OGDH: variants seen among roughly 807,000 people sequenced by gnomAD.
The protein encoded by OGDH is 2-oxoglutarate dehydrogenase complex component E1.
OGDH carries 38 observed loss-of-function variants against 116.6 expected under a neutral mutation model. The ratio of observed to expected loss-of-function variants is 0.33; its 90% CI spans 0.25 to 0.43. OGDH has a LOEUF of 0.43. Ranked by LOEUF, OGDH falls within the 20% of genes least tolerant of loss-of-function variation. The pLI, the probability that OGDH is intolerant of heterozygous loss-of-function variation, is 1.00. For missense variants in OGDH, 825 were observed against 1,357.2 expected (o/e 0.61, Z 6.16); for synonymous variants, 488 against 533.3 (o/e 0.92, Z 1.17).
intron 13 of OGDH, 72 bp from the exon 14 acceptor site, chr7:44,696,357 A>ATTT (rs1788580177): frequency 1.8e-5 from 28 of 1,551,718 alleles, no homozygotes; most frequent in Non-Finnish European, 2.5e-5. Flanking sequence ...CCCCAAAATC[A>ATTT]CGTGTCTGCC....
At position 44,707,776 on chromosome 7, in the gene OGDH, C is replaced by T. The variant is rs200351092; in HGVS notation, c.2951+40C>T. On this transcript the variant is annotated intron_variant, in intron 22 of 22. Coordinates refer to ENST00000222673, the MANE Select transcript of OGDH (RefSeq NM_002541.4). The surrounding 1 kb of genome is among the most constrained non-coding windows in gnomAD (Gnocchi z 5.2). The stretch of plus-strand genomic sequence containing the variant: ...CCTGCCAGGAAGGCTGTGGGACCCT[C>T]CCCTCAGGCCAGTAGGCAGTTAGCC... 6.2e-6 allele frequency: 10 copies of T among 1,613,246 alleles called. No individual in the cohort carries two copies. The African/African-American group carries it at 1.3e-4, about 21-fold the overall frequency.
At chr7:44,637,450 A>G (rs1307529671) in intron 2 of OGDH, among the ~76,000 whole-genome samples, 2 of 152,236 alleles carry the variant, frequency 1.3e-5, no homozygotes, top group South Asian at 4.1e-4. Flanking sequence ...CAAACCTTAC[A>G]GTATGCCACA....
intron 10 of OGDH, among the ~76,000 whole-genome samples, chr7:44,691,480 C>A (rs866963794): frequency 4.8e-5 from 7 of 145,682 alleles, no homozygotes; most frequent in African/African-American, 1.8e-4. Context: ...TGCAGTGAGC[C>A]GTGATCACAC....
Position 44,700,151 on chromosome 7 carries a change from A to T in OGDH, c.2441A>T (p.Glu814Val). Residue 814 changes from glutamate (E) to valine (V), a missense_variant, in exon 19 of 23, where the codon GAA becomes GTA. By Grantham distance (121) the Glu-to-Val change is moderately radical. Transcript: ENST00000222673. ...DDPDVLPDLK[E>V]ANFDINQLYD... ...CCTTCCCTGCTGCAGGACCTTAAAGAAGCCAACTTCGACATCAATCAGCTA... is the reference window on the plus strand; with the variant it reads ...CCTTCCCTGCTGCAGGACCTTAAAGTAGCCAACTTCGACATCAATCAGCTA... 1 of 1,614,152 alleles carries T rather than the reference A, an allele frequency of 6.2e-7. No homozygotes were observed.
chr7:44,668,942 C>T (rs1787304155), intron 5 of OGDH, among the ~76,000 whole-genome samples: 1 of 152,056 alleles, frequency 6.6e-6, no homozygotes, highest in Non-Finnish European at 1.5e-5. Flanking sequence ...TCTTGTGTTG[C>T]CTGGACCCCC....
At position 44,694,692 on chromosome 7, in the gene OGDH, T is replaced by C; in HGVS notation, c.1668+116T>C. Reference sequence around the variant, plus strand: ...AGTTATGAGGATACACGTGAGAGGATGTGAAATATTTACAACTACAGCATT... The same window carrying C: ...AGTTATGAGGATACACGTGAGAGGACGTGAAATATTTACAACTACAGCATT... On this transcript the variant is annotated intron_variant, in intron 12 of 22. Coordinates refer to ENST00000222673, the MANE Select transcript of OGDH (RefSeq NM_002541.4). The surrounding 1 kb of genome is among the most constrained non-coding windows in gnomAD (Gnocchi z 4.2). 3.4e-6 allele frequency: 4 copies of C among 1,166,252 alleles called. No homozygotes were observed. Among genetic ancestry groups the C allele is most frequent in the Non-Finnish European group, 4.9e-6 (4 of 821,438 alleles). The allele number at this position is 1,166,252 out of a possible 1,614,324, so 72.2% of individuals were successfully genotyped here.
chr7:44,661,634 C>T (rs2115988893), intron 4 of OGDH, among the ~76,000 whole-genome samples: 1 of 151,934 alleles, frequency 6.6e-6, no homozygotes, highest in Admixed American at 6.6e-5. Flanking sequence ...GAGTTTCGCT[C>T]TTTCACCCAG....
chr7:44,670,824 C>T (rs868425620), intron 5 of OGDH, among the ~76,000 whole-genome samples: 3 of 151,918 alleles, frequency 2.0e-5, no homozygotes, highest in Admixed American at 1.3e-4. Context: ...TCCTAGCTAA[C>T]ACAGTGAAAC....
chr7:44,627,084 C>A (rs1785236197), intron 2 of OGDH, among the ~76,000 whole-genome samples: 1 of 152,228 alleles, frequency 6.6e-6, no homozygotes, highest in Admixed American at 6.5e-5. Context: ...GCAACCTCCA[C>A]CTCCGAGGCT....
At position 44,613,573 on chromosome 7, in the gene OGDH, A is replaced by G. The variant is rs1440610524; in HGVS notation, c.-28+6920A>G. Among the ~76,000 whole-genome samples, 3 of 151,572 alleles carry G rather than the reference A, an allele frequency of 2.0e-5. No homozygotes were observed. The East Asian group carries it at 5.9e-4, about 30-fold the overall frequency. On this transcript the variant is annotated intron_variant, in intron 1 of 22. Transcript: ENST00000222673. ...ATGGGGTTTCACCGTGTTAGCCAGG[A>G]TGGTCTCAATCTCCTGGCCTCGTGA...
In OGDH at chr7:44,707,375, C is replaced by T. The variant is rs574950916; in HGVS notation, c.2783C>T (p.Thr928Ile). The change falls in exon 21 of 23, where the codon ACA (threonine) becomes ATA (isoleucine). Residue 928 changes from threonine to isoleucine, a missense_variant. By Grantham distance (89) the Thr-to-Ile change is moderately conservative. Around this residue, in one of 7 missense-constraint regions of OGDH, gnomAD observed 212 missense variants for 284.3 expected, o/e 0.75. Transcript: ENST00000222673. This position sits in a 1 kb window ranked among gnomAD's most constrained non-coding sequence, Gnocchi z 5.2. ...ARDMVGQVAI[T>I]RIEQLSPFPF... ...GACATGGTGGGGCAGGTGGCCATCA[C>T]AAGGATTGAGCAGGTGAGGGCAGGT... 12 of 1,614,242 alleles carry T rather than the reference C, an allele frequency of 7.4e-6. No homozygotes were observed. In the South Asian group the frequency reaches 1.2e-4, roughly 16 times the overall value.
At chr7:44,660,140 T>C (rs987657822) in intron 4 of OGDH, among the ~76,000 whole-genome samples, 4 of 152,230 alleles carry the variant, frequency 2.6e-5, no homozygotes, top group African/African-American at 9.7e-5. Flanking sequence ...TTCAGTTGTT[T>C]TTGAGGCAAG....
intron 1 of OGDH, among the ~76,000 whole-genome samples, chr7:44,608,843 G>T (rs1217007560): frequency 2.0e-5 from 3 of 152,106 alleles, no homozygotes; most frequent in African/African-American, 7.2e-5. Context: ...TTAAGAAATT[G>T]TACATAAAAA....
intron 2 of OGDH, among the ~76,000 whole-genome samples, chr7:44,638,108 G>GTCAGAGAA (rs1785755913): frequency 6.6e-6 from 1 of 152,174 alleles, no homozygotes; most frequent in Non-Finnish European, 1.5e-5. Context: ...GTCATTGGTG[G>GTCAGAGAA]TCAGAGAATT....
chr7:44,655,895 G>A (rs1005618682), intron 4 of OGDH, among the ~76,000 whole-genome samples: 4 of 152,142 alleles, frequency 2.6e-5, no homozygotes, highest in African/African-American at 9.7e-5. Context: ...TGAATCTAGT[G>A]CTGAGAAATA....
At chr7:44,640,923 C>T (rs1278170293) in intron 2 of OGDH, among the ~76,000 whole-genome samples, 1 of 149,838 alleles carries the variant, frequency 6.7e-6, no homozygotes. Flanking sequence ...GAGACAGAGT[C>T]TCGCTCTGTC....
At chr7:44,649,047 C>T (rs1786317999) in intron 4 of OGDH, among the ~76,000 whole-genome samples, 1 of 151,950 alleles carries the variant, frequency 6.6e-6, no homozygotes, top group South Asian at 2.1e-4. Context: ...CTGCCCTGTG[C>T]CTCTCCAGCC....
At chr7:44,620,213 G>A (rs909403787) in intron 1 of OGDH, among the ~76,000 whole-genome samples, 11 of 152,186 alleles carry the variant, frequency 7.2e-5, no homozygotes, top group Non-Finnish European at 1.2e-4. Context: ...TAGAAACGGC[G>A]TTTCGCCATG....
In OGDH at chr7:44,676,084, G is replaced by A; in HGVS notation, c.1141G>A (p.Asp381Asn). The part of the protein sequence containing the change: ...VANPSHLEAA[D>N]PVVMGKTKAE... ...CAACCCTTCCCACCTTGAGGCCGCTGACCCCGTGGTGATGGGCAAGACCAA... is the reference window on the plus strand; with the variant it reads ...CAACCCTTCCCACCTTGAGGCCGCTAACCCCGTGGTGATGGGCAAGACCAA... Residue 381 changes from aspartate (D) to asparagine (N), a missense_variant, in exon 9 of 23, where the codon GAC becomes AAC. By Grantham distance (23) the Asp-to-Asn change is conservative. Coordinates refer to ENST00000222673, the MANE Select transcript of OGDH (RefSeq NM_002541.4). 6.2e-7 allele frequency: 1 copy of A among 1,614,042 alleles called. No individual in the cohort carries two copies. Among genetic ancestry groups the A allele is most frequent in the Non-Finnish European group, 8.5e-7 (1 of 1,180,014 alleles).
Sources: allele counts gnomAD v4.1 joint callset (sites outside exome capture counted in the v4.1 genomes callset), GRCh38; gene constraint gnomAD v4.1.1; regional missense constraint gnomAD v4.1.1; non-coding constraint Gnocchi (gnomAD v3.1); transcripts MANE v1.5; gene names NCBI Gene and HGNC (gene_info 2026-07-23, HGNC 2026-07-21).